THEMIS: variants seen among roughly 807,000 people sequenced by gnomAD.
THEMIS encodes the protein protein THEMIS.
Under a neutral mutation model 52.6 loss-of-function variants are expected in THEMIS, and 37 were observed. The ratio of observed to expected loss-of-function variants is 0.70; its 90% CI spans 0.54 to 0.93. The LOEUF is 0.93. Ranked by LOEUF, THEMIS falls within the 40% of genes least tolerant of loss-of-function variation. The pLI is 0.00. For synonymous variants in THEMIS, 292 were observed against 272.7 expected (o/e 1.07, Z -0.70); for missense variants, 808 against 763.1 (o/e 1.06, Z -0.69).
rs534061747 is a variant in THEMIS, at chr6:127,709,435, G to T, written c.*550C>A. ...ACATATTTATGACACAGCGTATTTTGTAAATACACTGTGAATGTGAAATCA... is the reference window on the plus strand; with the variant it reads ...ACATATTTATGACACAGCGTATTTTTTAAATACACTGTGAATGTGAAATCA... On this transcript the variant is annotated 3_prime_UTR_variant, in exon 6 of 6. Transcript: ENST00000368248. 1 of 152,140 alleles carries T rather than the reference G, an allele frequency of 6.6e-6. No homozygotes were observed. Among genetic ancestry groups the T allele is most frequent in the East Asian group, 1.9e-4 (1 of 5,156 alleles). 9.4% of individuals were successfully genotyped at this position (152,140 alleles called of 1,614,324 possible). A position where few individuals can be genotyped will look rare whatever the true frequency, so the allele number is the denominator to read the frequency against.
chr6:127,810,171 G>T (rs1159695708), intron 4 of THEMIS, among the ~76,000 whole-genome samples: 1 of 151,946 alleles, frequency 6.6e-6, no homozygotes, highest in Non-Finnish European at 1.5e-5. Flanking sequence ...TTTAATGCCT[G>T]GCAAAGGACA....
chr6:127,889,183 G>A (rs1181212074), intron 1 of THEMIS, among the ~76,000 whole-genome samples: 1 of 151,944 alleles, frequency 6.6e-6, no homozygotes, highest in East Asian at 1.9e-4. Context: ...TTATGAACTG[G>A]TTCTTAAAGT....
chr6:127,707,768 G>T (rs1001357169), downstream of THEMIS, among the ~76,000 whole-genome samples: 1 of 152,046 alleles, frequency 6.6e-6, no homozygotes, highest in African/African-American at 2.4e-5. Context: ...ACACCTAAAA[G>T]TCTCATTATA....
intron 4 of THEMIS, among the ~76,000 whole-genome samples, chr6:127,760,431 T>G (rs2114383769): frequency 6.6e-6 from 1 of 152,280 alleles, no homozygotes; most frequent in East Asian, 1.9e-4. Flanking sequence ...CCATTGAAAT[T>G]TTGATAGGTA....
At chr6:127,917,141 G>C (rs9402004) in intron 1 of THEMIS, among the ~76,000 whole-genome samples, 25,303 of 152,116 alleles carry the variant, frequency 0.17, 2,611 homozygotes, top group East Asian at 0.38. Flanking sequence ...CAAAGTACTG[G>C]ATTATTCAGT....
intron 4 of THEMIS, among the ~76,000 whole-genome samples, chr6:127,783,734 C>A (rs1376489668): frequency 6.6e-6 from 1 of 152,244 alleles, no homozygotes; most frequent in Non-Finnish European, 1.5e-5. Context: ...AGTCAGGAAA[C>A]AACAGATGCT....
At chr6:127,851,904 G>T (rs146492912) in intron 2 of THEMIS, among the ~76,000 whole-genome samples, 13 of 151,696 alleles carry the variant, frequency 8.6e-5, no homozygotes, top group African/African-American at 3.1e-4. Flanking sequence ...ACATTAGCCT[G>T]CAGTTAGTAA....
At position 127,803,398 on chromosome 6, in the gene THEMIS, C is replaced by CT. The variant is rs11372729; in HGVS notation, c.1758+9484dup. Reference sequence around the variant, plus strand: ...CTCTAGGAAAACACTGATCTGCTTTCTTTTTTTTCTAAATTTTTCTTTGCT... The same window carrying CT: ...CTCTAGGAAAACACTGATCTGCTTTCTTTTTTTTTCTAAATTTTTCTTTGCT... On this transcript the variant is annotated intron_variant, in intron 4 of 5. Transcript: ENST00000368248. Among the ~76,000 whole-genome samples, 1,180 of 151,940 alleles carry CT rather than the reference C, an allele frequency of 7.8e-3. 14 individuals carry two copies. Among genetic ancestry groups the CT allele is most frequent in the African/African-American group, 0.027 (1,123 of 41,426 alleles).
chr6:127,901,104 A>G, upstream of THEMIS: 1 of 597,076 alleles, frequency 1.7e-6, no homozygotes, highest in Non-Finnish European at 3.0e-6. Flanking sequence ...GACAATGAAG[A>G]GGGAGGGGGG....
intron 1 of THEMIS, among the ~76,000 whole-genome samples, chr6:127,896,313 A>G (rs1378513252): frequency 6.6e-6 from 1 of 151,494 alleles, no homozygotes. Flanking sequence ...TACACATAAC[A>G]TATACAAAAT....
At chr6:127,882,693 T>C (rs1231889632) in intron 1 of THEMIS, among the ~76,000 whole-genome samples, 1 of 151,816 alleles carries the variant, frequency 6.6e-6, no homozygotes, top group African/African-American at 2.4e-5. Flanking sequence ...TCCACTTGAG[T>C]CTAATGAAAA....
intron 4 of THEMIS, among the ~76,000 whole-genome samples, chr6:127,752,765 C>T (rs1014882623): frequency 6.6e-6 from 1 of 151,604 alleles, no homozygotes; most frequent in African/African-American, 2.4e-5. Flanking sequence ...AAATGAACAC[C>T]AATTCTTCTC....
chr6:127,792,879 G>T (rs887930217), intron 4 of THEMIS, among the ~76,000 whole-genome samples: 5 of 152,254 alleles, frequency 3.3e-5, no homozygotes, highest in African/African-American at 9.6e-5. Context: ...AAGTGAACAG[G>T]TACACTTTTT....
intron 2 of THEMIS, among the ~76,000 whole-genome samples, chr6:127,844,963 G>A (rs557794125): frequency 6.6e-6 from 1 of 151,546 alleles, no homozygotes; most frequent in Admixed American, 6.6e-5. Flanking sequence ...TTTTTGAGGT[G>A]TCAAAAGAGA....
At chr6:127,914,555 T>C (rs113660505) in intron 1 of THEMIS, among the ~76,000 whole-genome samples, 2,675 of 152,300 alleles carry the variant, frequency 0.018, 85 homozygotes, top group African/African-American at 0.06. Context: ...CAAGCCTGTA[T>C]AGCATGTTAC....
At chr6:127,908,087 G>A (rs1781322345) in intron 1 of THEMIS, among the ~76,000 whole-genome samples, 1 of 152,090 alleles carries the variant, frequency 6.6e-6, no homozygotes, top group African/African-American at 2.4e-5. Flanking sequence ...AGAAGCTCCT[G>A]CCTCCCGGCA....
At chr6:127,913,932 C>G (rs1413317669) in intron 1 of THEMIS, among the ~76,000 whole-genome samples, 2 of 152,036 alleles carry the variant, frequency 1.3e-5, no homozygotes, top group Non-Finnish European at 2.9e-5. Context: ...GAGGCCAAGT[C>G]TTATACAGGT....
intron 1 of THEMIS, among the ~76,000 whole-genome samples, chr6:127,882,990 A>G (rs1339164478): frequency 2.0e-5 from 3 of 152,016 alleles, no homozygotes; most frequent in African/African-American, 7.2e-5. Context: ...TACATAATTC[A>G]CTAAGCATCA....
rs1448420889 is a variant in THEMIS at position 127,819,120 on chromosome 6, A to G, written c.710-5189T>C. On this transcript the variant is annotated intron_variant, in intron 3 of 5. Transcript: ENST00000368248. ...GGGTGAAAGAGTGAGACTCTGTCTA[A>G]AAAAAAAAAAAAAAAAAAAAAAAAA... 9.6e-4 allele frequency among the ~76,000 whole-genome samples: 7 copies of G among 7,308 alleles called. No individual in the cohort carries two copies. In the Admixed American group the frequency reaches 0.012, roughly 13 times the overall value. The allele number at this position is 7,308 out of a possible 152,430, so 4.8% of individuals were successfully genotyped here. A position where few individuals can be genotyped will look rare whatever the true frequency, so the allele number is the denominator to read the frequency against.
Sources: allele counts gnomAD v4.1 joint callset (sites outside exome capture counted in the v4.1 genomes callset), GRCh38; gene constraint gnomAD v4.1.1; transcripts MANE v1.5; gene names NCBI Gene and HGNC (gene_info 2026-07-23, HGNC 2026-07-21).